The following RNF213 variants were observed in gnomAD, a reference collection of about 807,000 sequenced individuals.
The protein encoded by RNF213 is E3 ubiquitin-protein ligase RNF213.
In RNF213, 341 loss-of-function variants were observed where a neutral mutation model predicts 514.4. That is an observed-to-expected ratio of 0.66 (90% CI 0.61 to 0.73). RNF213 has a LOEUF of 0.73. Ranked by LOEUF, RNF213 falls within the 30% of genes least tolerant of loss-of-function variation. RNF213 has a pLI of 0.00. For synonymous variants in RNF213, 2,655 were observed against 2,658.2 expected (o/e 1.00, Z 0.04); for missense variants, 5,767 against 6,615.6 (o/e 0.87, Z 4.45).
chr17:80,371,374 G>A (rs1394295427), intron 46 of RNF213, among the ~76,000 whole-genome samples: 1 of 152,238 alleles, frequency 6.6e-6, no homozygotes, highest in Non-Finnish European at 1.5e-5. Context: ...CTGCAGCGAT[G>A]GGGAGCAGGG....
intron 3 of RNF213, chr17:80,278,751 C>G: frequency 6.5e-7 from 1 of 1,536,958 alleles, no homozygotes; most frequent in Non-Finnish European, 8.7e-7. Flanking sequence ...TGAAGGGGGT[C>G]GTGTTTCAAC....
intron 55 of RNF213, 192 bp downstream of exon 55, chr17:80,379,906 C>G (rs1240820646): frequency 6.4e-6 from 4 of 625,768 alleles, no homozygotes; most frequent in East Asian, 5.9e-5. Flanking sequence ...GTTGTTGGAT[C>G]CCTGGGCCCT....
intron 5 of RNF213, 56 bp from the exon 6 acceptor site, chr17:80,289,603 A>AAAAAAG: frequency 6.3e-7 from 1 of 1,580,310 alleles, no homozygotes; most frequent in African/African-American, 1.4e-5. Flanking sequence ...AAAAAAAAAA[A>AAAAAAG]AAAAAGAAAA....
At chr17:80,351,898 A>G in intron 32 of RNF213, 95 bp downstream of exon 32, 2 of 728,838 alleles carry the variant, frequency 2.7e-6, no homozygotes, top group Non-Finnish European at 4.8e-6. Context: ...CTCTGTCACC[A>G]GGCTGGAGTG....
chr17:80,264,029 G>A lies in RNF213; in HGVS notation c.97+251G>A, dbSNP rs953749505. Among the ~76,000 whole-genome samples the A allele has an allele frequency of 6.6e-6, 1 of 152,140 alleles. No homozygotes were observed. Among genetic ancestry groups the A allele is most frequent in the Admixed American group, 6.6e-5 (1 of 15,254 alleles). ...CCACCACCCAGTGCTTCCGTCCCTCGTTCAGGCCCGGCCTGAGTGAGCCCA... is the reference window on the plus strand; with the variant it reads ...CCACCACCCAGTGCTTCCGTCCCTCATTCAGGCCCGGCCTGAGTGAGCCCA... On this transcript the variant is annotated intron_variant, in intron 2 of 67. Transcript: ENST00000582970. This position sits in a 1 kb window ranked among gnomAD's most constrained non-coding sequence, Gnocchi z 5.0.
At chr17:80,386,633 G>C in intron 62 of RNF213, 57 bp from the exon 63 acceptor site, 1 of 1,576,464 alleles carries the variant, frequency 6.3e-7, no homozygotes, top group Non-Finnish European at 8.7e-7. Flanking sequence ...CTGCAACATA[G>C]AGCCCTAGGC....
At position 80,343,376 on chromosome 17, in the gene RNF213, C is replaced by G. The variant is rs1568099056; in HGVS notation, c.6183+51C>G. The G allele has an allele frequency of 6.8e-7, 1 of 1,472,302 alleles. No homozygotes were observed. 91.2% of individuals were successfully genotyped at this position (1,472,302 alleles called of 1,614,324 possible). ...TGGCCACATCAGTAAAGACGTGGTCCCCATGTCTCTGCGTGACTCCTCCCC... is the reference window on the plus strand; with the variant it reads ...TGGCCACATCAGTAAAGACGTGGTCGCCATGTCTCTGCGTGACTCCTCCCC... On this transcript the variant is annotated intron_variant, in intron 27 of 67. Coordinates refer to ENST00000582970, the MANE Select transcript of RNF213 (RefSeq NM_001256071.3). This position sits in a 1 kb window ranked among gnomAD's most constrained non-coding sequence, Gnocchi z 4.3.
intron 42 of RNF213, among the ~76,000 whole-genome samples, chr17:80,367,439 T>TG (rs1414755750): frequency 6.6e-6 from 1 of 152,192 alleles, no homozygotes; most frequent in Non-Finnish European, 1.5e-5. Flanking sequence ...TAAAGCTTGG[T>TG]GGGGGGTATA....
At chr17:80,390,399 A>AG (rs1350748728) in intron 67 of RNF213, among the ~76,000 whole-genome samples, 4 of 152,152 alleles carry the variant, frequency 2.6e-5, no homozygotes, top group African/African-American at 9.7e-5. Context: ...AGTGTTTTTC[A>AG]GACAAGAGTC....
intron 11 of RNF213, among the ~76,000 whole-genome samples, chr17:80,305,203 A>G (rs530351093): frequency 1.5e-5 from 1 of 65,816 alleles, no homozygotes; most frequent in Non-Finnish European, 2.6e-5. Context: ...TTTTTGAGAC[A>G]GTTTTGGTCT....
chr17:80,374,171 C>T (rs771857552), intron 49 of RNF213, among the ~76,000 whole-genome samples: 5 of 152,186 alleles, frequency 3.3e-5, no homozygotes, highest in Admixed American at 6.5e-5. Context: ...TTGAGCCACC[C>T]GGCCTCAGGT....
chr17:80,364,463 A>T lies in RNF213; in HGVS notation c.11781A>T (p.Ala3927=), dbSNP rs758941357. The T allele has an allele frequency of 2.5e-6, 4 of 1,613,312 alleles. No individual in the cohort carries two copies. The South Asian group carries it at 4.4e-5, about 18-fold the overall frequency. ...AGTGGAGTCGGATTTTCTCCACCGC[A>T]CTCTTCGTGGAGCACGTGCTCCTAG... ...RAQWSRIFST[A]LFVEHVLLGT... Residue 3927 remains alanine (A), a synonymous_variant, in exon 42 of 68, where the codon GCA becomes GCT. Transcript: ENST00000582970.
In RNF213 at chr17:80,328,330, GA is replaced by G. The variant is rs1260247595; in HGVS notation, c.3376del (p.Ser1126ValfsTer25). On this transcript the variant is annotated frameshift_variant, in exon 20 of 68. Coordinates refer to ENST00000582970, the MANE Select transcript of RNF213 (RefSeq NM_001256071.3). LOFTEE classifies it high-confidence loss of function. ...TTATTGGTGTTCTTATTTTCCAGGGGAAAAAAGTCTTTCACCCCAGGATGAA... is the reference window on the plus strand; with the variant it reads ...TTATTGGTGTTCTTATTTTCCAGGGGAAAAAGTCTTTCACCCCAGGATGAA... ...NQFLDIWQLR[E>X]KSLSPQDEQC... 1.3e-6 allele frequency: 2 copies of G among 1,534,660 alleles called. No homozygotes were observed. The highest frequency in any genetic ancestry group is 2.7e-5 in the African/African-American group (2 of 72,976).
chr17:80,382,696 A>G (rs2080068025), intron 57 of RNF213: 2 of 349,570 alleles, frequency 5.7e-6, no homozygotes, highest in African/African-American at 4.3e-5. Flanking sequence ...GGCCACTCTT[A>G]CTATTGAGCT....
intron 3 of RNF213, 116 bp from the exon 4 acceptor site, chr17:80,287,699 A>G (rs2044522549): frequency 2.2e-6 from 2 of 927,246 alleles, no homozygotes; most frequent in Non-Finnish European, 1.7e-6. Flanking sequence ...GATGTTAGGT[A>G]CTTTGGTCGA....
chr17:80,286,105 G>A (rs2044463263), intron 3 of RNF213, among the ~76,000 whole-genome samples: 1 of 152,218 alleles, frequency 6.6e-6, no homozygotes, highest in Non-Finnish European at 1.5e-5. Context: ...ACACCCAAAC[G>A]CACCAAGTGT....
intron 16 of RNF213, among the ~76,000 whole-genome samples, chr17:80,318,961 G>C (rs1354775830): frequency 2.6e-5 from 4 of 152,148 alleles, no homozygotes; most frequent in Admixed American, 1.3e-4. Context: ...GTTTTTGCAA[G>C]CCAGGTGCTT....
At chr17:80,380,713 A>G (rs919851807) in intron 55 of RNF213, 118 bp from the exon 56 acceptor site, 2 of 1,186,056 alleles carry the variant, frequency 1.7e-6, no homozygotes, top group South Asian at 2.4e-5. Context: ...GTGGAACAGC[A>G]AGTACTCTTC....
At position 80,386,241 on chromosome 17, in the gene RNF213, C is replaced by G; in HGVS notation, c.14540-9C>G. On this transcript the variant is annotated splice_polypyrimidine_tract_variant and intron_variant, in intron 61 of 67. Transcript: ENST00000582970. The stretch of plus-strand genomic sequence containing the variant: ...CCTCTCTGCTTAAGCATAACCCTGT[C>G]GTTTAAAGGTGAGATCAACCTACCC... The G allele has an allele frequency of 6.2e-7, 1 of 1,604,866 alleles. No homozygotes were observed. Among genetic ancestry groups the G allele is most frequent in the Non-Finnish European group, 8.5e-7 (1 of 1,179,750 alleles).
Sources: gnomAD v4.1 joint callset for allele counts (sites outside exome capture counted in the v4.1 genomes callset) on GRCh38, gnomAD v4.1.1 for gene constraint, Gnocchi (gnomAD v3.1) non-coding constraint, MANE v1.5 for transcripts, NCBI Gene and HGNC (gene_info 2026-07-23, HGNC 2026-07-21) for gene names.